Variants in NFIA observed in about 807,000 individuals in gnomAD.
NFIA encodes nuclear factor 1 A-type.
NFIA carries 8 observed loss-of-function variants against 62.8 expected under a neutral mutation model. The ratio of observed to expected loss-of-function variants is 0.13; its 90% confidence interval spans 0.07 to 0.23. The LOEUF is 0.23. Ranked by LOEUF, NFIA falls within the 10% of genes least tolerant of loss-of-function variation. The pLI, the probability that NFIA is intolerant of heterozygous loss-of-function variation, is 1.00. For missense variants in NFIA, 410 were observed against 642.1 expected (o/e 0.64, Z 3.91); for synonymous variants, 235 against 238.1 (o/e 0.99, Z 0.12).
chr1:61,166,160 AG>A (rs1234035109), intron 2 of NFIA, among the ~76,000 whole-genome samples: 3 of 152,222 alleles, frequency 2.0e-5, no homozygotes, highest in African/African-American at 4.8e-5. Flanking sequence ...CTTAGAGACA[AG>A]GAAGAAAAGA....
chr1:61,213,702 G>A (rs1439303514), intron 2 of NFIA, among the ~76,000 whole-genome samples: 2 of 152,114 alleles, frequency 1.3e-5, no homozygotes, highest in East Asian at 1.9e-4. Context: ...TCATAAAGCG[G>A]TACTAAAAAT....
At chr1:61,148,234 T>A (rs1386825507) in intron 2 of NFIA, among the ~76,000 whole-genome samples, 1 of 152,156 alleles carries the variant, frequency 6.6e-6, no homozygotes, top group African/African-American at 2.4e-5. Flanking sequence ...CAAAGTCTCT[T>A]AAAAATCCTG....
intron 2 of NFIA, among the ~76,000 whole-genome samples, chr1:61,129,355 A>G (rs1194061448): frequency 1.3e-5 from 2 of 152,150 alleles, no homozygotes; most frequent in African/African-American, 4.8e-5. Context: ...GAGTCATCTC[A>G]CATAAATCCA....
Position 61,159,688 on chromosome 1 carries a change from T to A in NFIA, c.559+71008T>A, listed in dbSNP as rs978055974. Among the ~76,000 whole-genome samples, 420 of 149,900 alleles carry A rather than the reference T, an allele frequency of 2.8e-3. 5 individuals are homozygous for A. Among genetic ancestry groups the A allele is most frequent in the African/African-American group, 9.7e-3 (393 of 40,704 alleles). On this transcript the variant is annotated intron_variant, in intron 2 of 10. Transcript: ENST00000403491. ...ATTAGATAATGTAGATGCTTTTTTT[T>A]TTTTTTTTTTTGAGATGGAGTCTTG... is the stretch of plus-strand genomic sequence containing the variant.
intron 2 of NFIA, among the ~76,000 whole-genome samples, chr1:61,123,979 A>G (rs1646929376): frequency 6.6e-6 from 1 of 152,220 alleles, no homozygotes; most frequent in Admixed American, 6.5e-5. Context: ...GGCAAAACAG[A>G]TTCCTTTTTC....
intron 2 of NFIA, among the ~76,000 whole-genome samples, chr1:61,103,231 A>G (rs1646542369): frequency 6.6e-6 from 1 of 152,172 alleles, no homozygotes; most frequent in Non-Finnish European, 1.5e-5. Flanking sequence ...GCCTGTGTAC[A>G]CAGGTTCTAT....
At chr1:61,156,017 C>G (rs1268936513) in intron 2 of NFIA, among the ~76,000 whole-genome samples, 1 of 152,144 alleles carries the variant, frequency 6.6e-6, no homozygotes, top group East Asian at 1.9e-4. Flanking sequence ...CGCCTGTAGT[C>G]CCAGCTACTC....
chr1:61,083,758 C>G (rs930693196), intron 1 of NFIA, among the ~76,000 whole-genome samples: 2 of 149,066 alleles, frequency 1.3e-5, no homozygotes, highest in African/African-American at 4.9e-5. Context: ...ACGGCTCCCC[C>G]CGCCGCCGCC....
At chr1:61,294,910 G>T (rs923632609) in intron 3 of NFIA, among the ~76,000 whole-genome samples, 2 of 152,124 alleles carry the variant, frequency 1.3e-5, no homozygotes, top group East Asian at 3.8e-4. Context: ...TTCAGTACTC[G>T]ATATTCAGTA....
intron 9 of NFIA, among the ~76,000 whole-genome samples, chr1:61,424,341 A>AC (rs61586886): frequency 0.032 from 4,729 of 147,102 alleles, 85 homozygotes; most frequent in East Asian, 0.051. Flanking sequence ...AAAAAATGAC[A>AC]CCCCCCCCTC....
At chr1:61,082,479 G>T (rs1646122785), upstream of NFIA, 12 of 1,086,986 alleles carry the variant, frequency 1.1e-5, no homozygotes, top group Non-Finnish European at 1.3e-5. Context: ...CCGGGCCGGC[G>T]CGGGAGCGGG....
At chr1:61,234,810 C>T (rs924369436) in intron 2 of NFIA, among the ~76,000 whole-genome samples, 3 of 152,160 alleles carry the variant, frequency 2.0e-5, no homozygotes, top group African/African-American at 7.2e-5. Context: ...GCCTGCACTT[C>T]CTGAATAGGC....
chr1:61,274,258 A>T (rs939498643), intron 2 of NFIA, among the ~76,000 whole-genome samples: 3 of 152,202 alleles, frequency 2.0e-5, no homozygotes, highest in African/African-American at 4.8e-5. Context: ...AACCCTGTCT[A>T]TTTTAGGTTT....
intron 2 of NFIA, among the ~76,000 whole-genome samples, chr1:61,208,850 T>C (rs1653060320): frequency 6.6e-6 from 1 of 152,144 alleles, no homozygotes; most frequent in African/African-American, 2.4e-5. Flanking sequence ...AGATGGAAGA[T>C]GTTAAAAAGG....
intron 3 of NFIA, among the ~76,000 whole-genome samples, chr1:61,309,591 A>G (rs555138547): frequency 3.3e-4 from 51 of 152,310 alleles, no homozygotes; most frequent in African/African-American, 1.1e-3. Context: ...CCAAAAGTAT[A>G]GAAATTTAGG....
intron 10 of NFIA, among the ~76,000 whole-genome samples, chr1:61,431,779 A>C (rs78313542): frequency 2.2e-4 from 34 of 152,300 alleles, no homozygotes; most frequent in Non-Finnish European, 4.4e-4. Context: ...GTGCACCCAG[A>C]ATGGGAGAGG....
At chr1:61,112,597 T>G (rs1176650502) in intron 2 of NFIA, among the ~76,000 whole-genome samples, 1 of 152,182 alleles carries the variant, frequency 6.6e-6, no homozygotes. Context: ...AAAGGTAGTT[T>G]TTACCCAGAT....
At chr1:61,077,743 G>A (rs1646049058), upstream of NFIA, 1 of 646,088 alleles carries the variant, frequency 1.5e-6, no homozygotes, top group Non-Finnish European at 2.4e-6. Context: ...GCTCGCATAT[G>A]CACTTAAGTG....
Position 61,455,593 on chromosome 1 carries a change from G to A in NFIA, c.*273G>A. The A allele has an allele frequency of 1.9e-6, 1 of 528,746 alleles. No individual in the cohort carries two copies. 32.8% of individuals were successfully genotyped at this position (528,746 alleles called of 1,614,324 possible). ...GAAATGGTTGGGCTTTGTAACATTTGAAGTGTTTCCATGGTAGCGTGAGCA... is the reference window on the plus strand; with the variant it reads ...GAAATGGTTGGGCTTTGTAACATTTAAAGTGTTTCCATGGTAGCGTGAGCA... On this transcript the variant is annotated 3_prime_UTR_variant, in exon 11 of 11. Transcript: ENST00000403491.
Sources: allele counts gnomAD v4.1 joint callset (sites outside exome capture counted in the v4.1 genomes callset), GRCh38; gene constraint gnomAD v4.1.1; transcripts MANE v1.5; gene names NCBI Gene and HGNC (gene_info 2026-07-23, HGNC 2026-07-21).